UPF3A: variants seen among roughly 807,000 people sequenced by gnomAD.
UPF3A encodes regulator of nonsense transcripts 3A.
Under a neutral mutation model 53.5 loss-of-function variants are expected in UPF3A, and 42 were observed. The ratio of observed to expected loss-of-function variants is 0.78; its 90% CI spans 0.61 to 1.01. The LOEUF (loss-of-function observed/expected upper bound fraction) is 1.01, where lower values mean the gene tolerates loss of function less well. Ranked by LOEUF, UPF3A falls within the 50% of genes least tolerant of loss-of-function variation. UPF3A has a pLI of 0.00. For missense variants in UPF3A, 575 were observed against 598.0 expected (o/e 0.96, Z 0.40); for synonymous variants, 237 against 225.3 (o/e 1.05, Z -0.47).
chr13:114,293,384 A>T (rs1463162605), intron 7 of UPF3A, among the ~76,000 whole-genome samples: 4 of 129,130 alleles, frequency 3.1e-5, no homozygotes, highest in African/African-American at 8.1e-5. Flanking sequence ...ACTCTGTCTT[A>T]AAAAAAAAAA....
intron 7 of UPF3A, among the ~76,000 whole-genome samples, chr13:114,297,972 C>T (rs1183302069): frequency 6.6e-6 from 1 of 152,150 alleles, no homozygotes; most frequent in East Asian, 1.9e-4. Context: ...TGCACCACTG[C>T]ACTCCAACCT....
intron 8 of UPF3A, 38 bp from the exon 9 acceptor site, chr13:114,301,693 G>T (rs753468596): frequency 3.8e-6 from 6 of 1,583,682 alleles, no homozygotes; most frequent in African/African-American, 1.3e-5. Flanking sequence ...CCAACCGGCG[G>T]TTTACTGCAG....
intron 9 of UPF3A, 60 bp downstream of exon 9, chr13:114,302,085 C>T: frequency 7.1e-7 from 1 of 1,411,164 alleles, no homozygotes; most frequent in Non-Finnish European, 9.3e-7. Flanking sequence ...AGGCTGCATG[C>T]TGACCATGTC....
chr13:114,304,445 A>G (rs771558124), intron 9 of UPF3A, among the ~76,000 whole-genome samples: 1 of 152,212 alleles, frequency 6.6e-6, no homozygotes, highest in African/African-American at 2.4e-5. Context: ...ACTCACGTTA[A>G]TAAGTTTTAG....
chr13:114,299,005 G>C lies in UPF3A; in HGVS notation c.1007+5G>C, dbSNP rs1267671032. The C allele has an allele frequency of 3.1e-6, 5 of 1,592,348 alleles. No homozygotes were observed. Among genetic ancestry groups the C allele is most frequent in the Non-Finnish European group, 4.3e-6 (5 of 1,172,724 alleles). On this transcript the variant is annotated splice_donor_5th_base_variant and intron_variant, in intron 8 of 9. Transcript: ENST00000375299. The stretch of plus-strand genomic sequence containing the variant: ...GCTGGAGGAGCCCCAGGAGACGTGA[G>C]CGTGCTTTCATTGTTATGACCACGT...
intron 8 of UPF3A, 101 bp from the exon 9 acceptor site, chr13:114,301,630 C>T (rs971309448): frequency 1.2e-5 from 15 of 1,236,088 alleles, no homozygotes; most frequent in African/African-American, 3.0e-5. Flanking sequence ...CTGAGCACTT[C>T]GCATGGGTCC....
rs1277337319 is a variant in UPF3A at position 114,281,843 on chromosome 13, C to T, written c.204C>T (p.Ser68=). ...KPREEKRTAL[S]KVVIRRLPPG... ...GCGAGGAGAAGAGGACGGCCCTGAG[C>T]AAGGTGGGGACGGGGGCGGGGCGCG... The change falls in exon 1 of 10, where the codon AGC becomes AGT. Residue 68 remains serine (S), a synonymous_variant. Transcript: ENST00000375299. The T allele has an allele frequency of 7.3e-6, 11 of 1,498,010 alleles. No homozygotes were observed. Among genetic ancestry groups the T allele is most frequent in the South Asian group, 1.2e-5 (1 of 82,570 alleles). The allele number at this position is 1,498,010 out of a possible 1,614,324, so 92.8% of individuals were successfully genotyped here. A position where few individuals can be genotyped will look rare whatever the true frequency, so the allele number is the denominator to read the frequency against.
intron 7 of UPF3A, among the ~76,000 whole-genome samples, 159 bp from the exon 8 acceptor site, chr13:114,298,681 G>A (rs777642077): frequency 5.3e-5 from 8 of 152,088 alleles, no homozygotes; most frequent in Non-Finnish European, 8.8e-5. Flanking sequence ...GTTCCACCAC[G>A]TATTAAACCA....
In UPF3A at chr13:114,281,803, G is replaced by T; in HGVS notation, c.164G>T (p.Gly55Val). The T allele has an allele frequency of 2.6e-6, 4 of 1,554,344 alleles. No homozygotes were observed. Among genetic ancestry groups the T allele is most frequent in the Non-Finnish European group, 2.6e-6 (3 of 1,149,796 alleles). The change falls in exon 1 of 10, where the codon GGT (glycine) becomes GTT (valine). Residue 55 changes from glycine to valine, a missense_variant. By Grantham distance (109) the Gly-to-Val change is moderately radical. Around this residue, in one of 2 missense-constraint regions of UPF3A, gnomAD observed 252 missense variants for 182.7 expected, o/e 1.38. Transcript: ENST00000375299. Reference protein sequence around the residue: ...PPTSSSGCGGGAGKPREEKRT... With the variant: ...PPTSSSGCGGVAGKPREEKRT... ...ACTTCGTCCTCCGGTTGCGGGGGCGGTGCGGGCAAACCTCGCGAGGAGAAG... is the reference window on the plus strand; with the variant it reads ...ACTTCGTCCTCCGGTTGCGGGGGCGTTGCGGGCAAACCTCGCGAGGAGAAG...
rs187462247 is a variant in UPF3A at position 114,286,043 on chromosome 13, T to C, written c.422-259T>C. 1.1e-5 allele frequency: 5 copies of C among 444,154 alleles called. No homozygotes were observed. In the East Asian group the frequency reaches 1.5e-4, roughly 13 times the overall value. 27.5% of individuals were successfully genotyped at this position (444,154 alleles called of 1,614,324 possible). A position where few individuals can be genotyped will look rare whatever the true frequency, so the allele number is the denominator to read the frequency against. ...CAACATGATGGATTGTTTTAGTAAA[T>C]GTTCTTCTTACCAGGAGTTCATCCT... On this transcript the variant is annotated intron_variant, in intron 3 of 9. Transcript: ENST00000375299.
rs757983101 is a variant in UPF3A, at chr13:114,301,772, G to C, written c.1049G>C (p.Arg350Thr). 1.2e-6 allele frequency: 2 copies of C among 1,614,004 alleles called. No individual in the cohort carries two copies. The highest frequency in any genetic ancestry group is 1.7e-6 in the Non-Finnish European group (2 of 1,179,878). The change falls in exon 9 of 10, where the codon AGA becomes ACA. Residue 350 changes from arginine to threonine, a missense_variant. Physicochemically the swap from Arg to Thr is moderately conservative, Grantham distance 71. Coordinates refer to ENST00000375299, the MANE Select transcript of UPF3A (RefSeq NM_023011.4). Reference sequence around the variant, plus strand: ...GATAAAGAGCACAGGGATGTGGAGAGATCTCAAGAACAAGAATCTGAAGCA... The same window carrying C: ...GATAAAGAGCACAGGGATGTGGAGACATCTCAAGAACAAGAATCTGAAGCA... Reference protein sequence around the residue: ...GSDKEHRDVERSQEQESEAQR... With the variant: ...GSDKEHRDVETSQEQESEAQR...
At chr13:114,289,455 C>T (rs553539426) in intron 5 of UPF3A, among the ~76,000 whole-genome samples, 3,449 of 147,548 alleles carry the variant, frequency 0.023, 137 homozygotes, top group African/African-American at 0.082. Flanking sequence ...ACTCGGCAGG[C>T]GGAGGTTACA....
chr13:114,304,855 A>G lies in UPF3A; in HGVS notation c.1369A>G (p.Arg457Gly), dbSNP rs201229742. The G allele has an allele frequency of 1.6e-5, 26 of 1,613,890 alleles. No individual in the cohort carries two copies. In the East Asian group the frequency reaches 4.5e-4, roughly 28 times the overall value. ...CCGAGCGCGAGAGTGTGGCGGAAAC[A>G]GGAGGATCTGCAAGGCAGAAGGTTC... ...RFRARECGGN[R>G]RICKAEGSGT... The change falls in exon 10 of 10, where the codon AGG becomes GGG. Residue 457 changes from arginine (R) to glycine (G), a missense_variant. By Grantham distance (125) the Arg-to-Gly change is moderately radical. Around this residue, in one of 2 missense-constraint regions of UPF3A, gnomAD observed 323 missense variants for 415.2 expected, o/e 0.78. Coordinates refer to ENST00000375299, the MANE Select transcript of UPF3A (RefSeq NM_023011.4).
At chr13:114,299,998 T>C (rs957456326) in intron 8 of UPF3A, among the ~76,000 whole-genome samples, 12 of 152,216 alleles carry the variant, frequency 7.9e-5, no homozygotes, top group Admixed American at 7.9e-4. Flanking sequence ...GTTTATAAAA[T>C]TTATATATGA....
chr13:114,294,847 T>A (rs1337278900), intron 7 of UPF3A, among the ~76,000 whole-genome samples: 4 of 141,426 alleles, frequency 2.8e-5, no homozygotes, highest in Non-Finnish European at 6.1e-5. Context: ...CCGCGGTGGC[T>A]CACACCTGTA....
chr13:114,300,696 T>A (rs1337921386), intron 8 of UPF3A, among the ~76,000 whole-genome samples: 1 of 152,128 alleles, frequency 6.6e-6, no homozygotes, highest in Admixed American at 6.6e-5. Flanking sequence ...TGCCCCTCCA[T>A]GCCTGGCTAA....
intron 7 of UPF3A, among the ~76,000 whole-genome samples, chr13:114,296,937 G>A (rs951576909): frequency 1.3e-5 from 2 of 152,192 alleles, no homozygotes; most frequent in Non-Finnish European, 2.9e-5. Flanking sequence ...TGTTACTGTT[G>A]CAATTTTTAT....
intron 7 of UPF3A, among the ~76,000 whole-genome samples, chr13:114,292,198 G>A (rs969148919): frequency 8.6e-5 from 13 of 151,318 alleles, no homozygotes; most frequent in Admixed American, 3.3e-4. Context: ...ACACGTGCAG[G>A]TGTGTTACGT....
At chr13:114,282,603 C>A in intron 2 of UPF3A, 2 of 985,478 alleles carry the variant, frequency 2.0e-6, no homozygotes, top group Non-Finnish European at 2.4e-6. Context: ...AGGGTTTCAG[C>A]CTCGGAGGAC....
Sources: allele counts gnomAD v4.1 joint callset (sites outside exome capture counted in the v4.1 genomes callset), GRCh38; gene constraint gnomAD v4.1.1; regional missense constraint gnomAD v4.1.1; transcripts MANE v1.5; gene names NCBI Gene and HGNC (gene_info 2026-07-23, HGNC 2026-07-21).